Variants in CHRM1 observed in about 807,000 individuals in gnomAD.
The protein encoded by CHRM1 is muscarinic acetylcholine receptor M1.
CHRM1 carries 5 observed loss-of-function variants against 31.6 expected under a neutral mutation model. That is an observed-to-expected ratio of 0.16 (90% CI 0.08 to 0.33). CHRM1 has a LOEUF of 0.33. Ranked by LOEUF, CHRM1 falls within the 10% of genes least tolerant of loss-of-function variation. The pLI is 1.00. For synonymous variants in CHRM1, 227 were observed against 249.7 expected, an observed-to-expected ratio of 0.91 and a Z score of 0.86; for missense variants, 338 against 610.3, an observed-to-expected ratio of 0.55 and a Z score of 4.70.
rs2085854135 is a variant in CHRM1 at position 62,909,347 on chromosome 11, C to G, written c.*371G>C. 1 of 209,746 alleles carries G rather than the reference C, an allele frequency of 4.8e-6. No homozygotes were observed. 13.0% of individuals were successfully genotyped at this position (209,746 alleles called of 1,614,324 possible). A position where few individuals can be genotyped will look rare whatever the true frequency, so the allele number is the denominator to read the frequency against. ...TCTCACACCGCAATCTGGGCCGCTG[C>G]TGGGCCAAGGAATACTTAATGTTAA... On this transcript the variant is annotated 3_prime_UTR_variant, in exon 2 of 2. Transcript: ENST00000306960.
rs560332599 is a variant in CHRM1, at chr11:62,919,995, C to T, written c.-79+1223G>A. On this transcript the variant is annotated intron_variant, in intron 1 of 1. Transcript: ENST00000306960. Reference sequence around the variant, plus strand: ...AGAATCCAGTTCTCAGAACTCCAACCGCCAGCTGTCAGCTGCGAGCCAAGA... The same window carrying T: ...AGAATCCAGTTCTCAGAACTCCAACTGCCAGCTGTCAGCTGCGAGCCAAGA... Among the ~76,000 whole-genome samples the T allele has an allele frequency of 5.0e-4, 76 of 152,314 alleles. No individual in the cohort carries two copies. The Middle Eastern group carries it at 0.014, about 27-fold the overall frequency.
At chr11:62,913,461 C>T (rs1357332636) in intron 1 of CHRM1, among the ~76,000 whole-genome samples, 4 of 152,058 alleles carry the variant, frequency 2.6e-5, no homozygotes, top group East Asian at 1.9e-4. Flanking sequence ...CACCTGAGGT[C>T]GGGAGTTCAA....
rs2085850210 is a variant in CHRM1 at position 62,908,699 on chromosome 11, T to C, written c.*1019A>G. 1 of 152,814 alleles carries C rather than the reference T, an allele frequency of 6.5e-6. No individual in the cohort carries two copies. The highest frequency in any genetic ancestry group is 1.5e-5 in the Non-Finnish European group (1 of 68,140). The allele number at this position is 152,814 out of a possible 1,614,324, so 9.5% of individuals were successfully genotyped here. On this transcript the variant is annotated 3_prime_UTR_variant, in exon 2 of 2. Coordinates refer to ENST00000306960, the MANE Select transcript of CHRM1 (RefSeq NM_000738.3). ...CTTAGTGCCCGCTGGTTATGTGGCT[T>C]TATTCACAGACTCAGCACTTGCTGA... is the stretch of plus-strand genomic sequence containing the variant.
chr11:62,914,802 A>T (rs776024134), intron 1 of CHRM1, among the ~76,000 whole-genome samples: 1 of 152,188 alleles, frequency 6.6e-6, no homozygotes, highest in Non-Finnish European at 1.5e-5. Context: ...AGACAAGAGG[A>T]GGTTGCTAGC....
At chr11:62,914,792 A>G (rs2085891639) in intron 1 of CHRM1, among the ~76,000 whole-genome samples, 1 of 152,204 alleles carries the variant, frequency 6.6e-6, no homozygotes, top group Non-Finnish European at 1.5e-5. Flanking sequence ...AGGCTGAGTT[A>G]GACAAGAGGA....
chr11:62,910,895 C>A lies in CHRM1; in HGVS notation c.206G>T (p.Cys69Phe), dbSNP rs900929520. 6.2e-7 allele frequency: 1 copy of A among 1,614,202 alleles called. No individual in the cohort carries two copies. Among genetic ancestry groups the A allele is most frequent in the East Asian group, 2.2e-5 (1 of 44,892 alleles). ...VNNYFLLSLA[C>F]ADLIIGTFSM... is the part of the protein sequence containing the mutation. ...GAAGGTACCGATGATGAGGTCAGCA[C>A]AGGCCAGGCTCAGCAGGAAGTAGTT... The change falls in exon 2 of 2, where the codon TGT becomes TTT. Residue 69 changes from cysteine to phenylalanine, a missense_variant. Coordinates refer to ENST00000306960, the MANE Select transcript of CHRM1 (RefSeq NM_000738.3). This position sits in a 1 kb window ranked among gnomAD's most constrained non-coding sequence, Gnocchi z 8.7.
chr11:62,909,631 G>A lies in CHRM1; in HGVS notation c.*87C>T. On this transcript the variant is annotated 3_prime_UTR_variant, in exon 2 of 2. Transcript: ENST00000306960. ...GGGAAGCCAGGTGAGGCCTGAGCAG[G>A]GCCCTGGGGCTGAGGATGCAGCCCC... 1 of 1,502,062 alleles carries A rather than the reference G, an allele frequency of 6.7e-7. No individual in the cohort carries two copies. The highest frequency in any genetic ancestry group is 9.0e-7 in the Non-Finnish European group (1 of 1,111,446). 93.0% of individuals were successfully genotyped at this position (1,502,062 alleles called of 1,614,324 possible). A position where few individuals can be genotyped will look rare whatever the true frequency, so the allele number is the denominator to read the frequency against.
At chr11:62,912,376 AAAAAAAAAACCAAAAGG>A (rs2135042296) in intron 1 of CHRM1, among the ~76,000 whole-genome samples, 1 of 151,434 alleles carries the variant, frequency 6.6e-6, no homozygotes, top group Admixed American at 6.6e-5. Flanking sequence ...TCAAAAAAAA[AAAAAAAAAACCAAAAGG>A]AAAAAAAAAA....
In CHRM1 at chr11:62,911,048, G is replaced by T; in HGVS notation, c.53C>A (p.Pro18Gln). 1 of 1,614,184 alleles carries T rather than the reference G, an allele frequency of 6.2e-7. No homozygotes were observed. The highest frequency in any genetic ancestry group is 2.2e-5 in the East Asian group (1 of 44,880). ...GGCCACTTGCCAGGGACCCTTTCCT[G>T]GTGCCAGGACGGTGATGTTGGGGCT... ...AVSPNITVLA[P>Q]GKGPWQVAFI... The change falls in exon 2 of 2, where the codon CCA becomes CAA. Residue 18 changes from proline (P) to glutamine (Q), a missense_variant. By Grantham distance (76) the Pro-to-Gln change is moderately conservative. Coordinates refer to ENST00000306960, the MANE Select transcript of CHRM1 (RefSeq NM_000738.3).
Position 62,912,671 on chromosome 11 carries a change from G to C in CHRM1, c.-78-1493C>G, listed in dbSNP as rs192401396. Reference sequence around the variant, plus strand: ...TGGGCAGGAGGCCCCCACAGCCACAGTGAAGCCAGATGGAAGGGTAAAGGT... The same window carrying C: ...TGGGCAGGAGGCCCCCACAGCCACACTGAAGCCAGATGGAAGGGTAAAGGT... On this transcript the variant is annotated intron_variant, in intron 1 of 1. Coordinates refer to ENST00000306960, the MANE Select transcript of CHRM1 (RefSeq NM_000738.3). 2.0e-5 allele frequency among the ~76,000 whole-genome samples: 3 copies of C among 152,366 alleles called. No individual in the cohort carries two copies. In the East Asian group the frequency reaches 5.8e-4, roughly 29 times the overall value.
chr11:62,910,234 T>C lies in CHRM1; in HGVS notation c.867A>G (p.Thr289=), dbSNP rs1382343441. ...EEDEGSMESL[T]SSEGEEPGSE... ...AGCCAGGCTCCTCTCCCTCTGAGGA[T>C]GTGAGGGACTCCATGGAGCCTTCGT... The change falls in exon 2 of 2, where the codon ACA becomes ACG. Residue 289 remains threonine, a synonymous_variant. Coordinates refer to ENST00000306960, the MANE Select transcript of CHRM1 (RefSeq NM_000738.3). The surrounding 1 kb of genome is among the most constrained non-coding windows in gnomAD (Gnocchi z 8.7). 1 of 1,612,342 alleles carries C rather than the reference T, an allele frequency of 6.2e-7. No homozygotes were observed. The highest frequency in any genetic ancestry group is 1.7e-5 in the Admixed American group (1 of 59,786).
At chr11:62,915,567 C>T (rs2085896237) in intron 1 of CHRM1, among the ~76,000 whole-genome samples, 1 of 152,134 alleles carries the variant, frequency 6.6e-6, no homozygotes, top group Non-Finnish European at 1.5e-5. Flanking sequence ...ATTTTTACGT[C>T]CCCCTCTTAA....
At chr11:62,914,624 G>A (rs1047768486) in intron 1 of CHRM1, among the ~76,000 whole-genome samples, 2 of 152,156 alleles carry the variant, frequency 1.3e-5, no homozygotes, top group East Asian at 1.9e-4. Flanking sequence ...AATGCCCATC[G>A]CTCACAGGGA....
At chr11:62,917,923 T>C (rs1268800570) in intron 1 of CHRM1, 3 of 152,186 alleles carry the variant, frequency 2.0e-5, no homozygotes, top group Non-Finnish European at 4.4e-5. Context: ...CCTTGTGAAG[T>C]AGGTCCTGCT....
At chr11:62,919,330 G>A (rs2085918155) in intron 1 of CHRM1, among the ~76,000 whole-genome samples, 1 of 152,182 alleles carries the variant, frequency 6.6e-6, no homozygotes, top group Non-Finnish European at 1.5e-5. Flanking sequence ...CTTGTGGAGG[G>A]CAGCAGCCAT....
chr11:62,913,690 A>T (rs1055182869), intron 1 of CHRM1, among the ~76,000 whole-genome samples: 4 of 151,538 alleles, frequency 2.6e-5, no homozygotes, highest in African/African-American at 9.7e-5. Flanking sequence ...AAAAAAAAAG[A>T]AAAGAAATGT....
At chr11:62,916,940 C>T (rs1590652117) in intron 1 of CHRM1, 1 of 152,278 alleles carries the variant, frequency 6.6e-6, no homozygotes, top group Non-Finnish European at 1.5e-5. Flanking sequence ...TTCTTGCCAC[C>T]GTCTAGATCT....
intron 1 of CHRM1, among the ~76,000 whole-genome samples, chr11:62,914,334 T>G (rs990888736): frequency 6.6e-6 from 1 of 152,186 alleles, no homozygotes. Context: ...GAACTAGGAT[T>G]TGAGCCCAAG....
intron 1 of CHRM1, among the ~76,000 whole-genome samples, chr11:62,919,769 G>A (rs1200449014): frequency 1.3e-5 from 2 of 152,180 alleles, no homozygotes; most frequent in Non-Finnish European, 2.9e-5. Flanking sequence ...TCATGGAGGC[G>A]GCAGCGCAGT....
Sources: gnomAD v4.1 joint callset for allele counts (sites outside exome capture counted in the v4.1 genomes callset) on GRCh38, gnomAD v4.1.1 for gene constraint, Gnocchi (gnomAD v3.1) non-coding constraint, MANE v1.5 for transcripts, NCBI Gene and HGNC (gene_info 2026-07-23, HGNC 2026-07-21) for gene names.